Variants in GCGR observed in about 807,000 individuals in gnomAD.
The protein encoded by GCGR is glucagon receptor.
Under a neutral mutation model 56.1 loss-of-function variants are expected in GCGR, and 41 were observed. The ratio of observed to expected loss-of-function variants is 0.73; its 90% CI spans 0.57 to 0.95. The LOEUF (loss-of-function observed/expected upper bound fraction) is 0.95, where lower values mean the gene tolerates loss of function less well. Among genes scored for constraint, GCGR ranks in the 40% least tolerant of loss-of-function variants. GCGR has a pLI of 0.00. For synonymous variants in GCGR, 278 were observed against 271.1 expected, an observed-to-expected ratio of 1.03 and a Z score of -0.25; for missense variants, 595 against 638.2, an observed-to-expected ratio of 0.93 and a Z score of 0.73.
intron 1 of GCGR, among the ~76,000 whole-genome samples, chr17:81,808,086 C>A (rs866058165): frequency 7.9e-5 from 12 of 152,246 alleles, no homozygotes; most frequent in Admixed American, 7.8e-4. Context: ...CTAGGCACCC[C>A]GGTGCTGGGC....
At position 81,813,615 on chromosome 17, in the gene GCGR, G is replaced by A. The variant is rs2038152835; in HGVS notation, c.1360G>A (p.Gly454Ser). The A allele has an allele frequency of 3.3e-6, 5 of 1,536,464 alleles. No homozygotes were observed. Among genetic ancestry groups the A allele is most frequent in the East Asian group, 4.9e-5 (2 of 40,912 alleles). The change falls in exon 14 of 14, where the codon GGT (glycine) becomes AGT (serine). Residue 454 changes from glycine to serine, a missense_variant. By Grantham distance (56) the Gly-to-Ser change is moderately conservative. Transcript: ENST00000400723. The surrounding 1 kb of genome is among the most constrained non-coding windows in gnomAD (Gnocchi z 5.3). ...PSKELQFGRGGGSQDSSAETP... is the reference protein window; with the variant it reads ...PSKELQFGRGSGSQDSSAETP... ...CAAGGAGCTGCAGTTTGGGAGGGGT[G>A]GTGGCAGCCAGGATTCATCTGCGGA...
rs1397043394 is a variant in GCGR at position 81,812,852 on chromosome 17, C to T, written c.1083C>T (p.His361=). The stretch of plus-strand genomic sequence containing the variant: ...CCCTCATCCCTCTGCTGGGCGTCCA[C>T]GAAGTGGTCTTCGCCTTCGTGACGG... ...TLTLIPLLGV[H]EVVFAFVTDE... Residue 361 remains histidine (H), a synonymous_variant, in exon 12 of 14, where the codon CAC becomes CAT. Coordinates refer to ENST00000400723, the MANE Select transcript of GCGR (RefSeq NM_000160.5). This position sits in a 1 kb window ranked among gnomAD's most constrained non-coding sequence, Gnocchi z 8.5. 3.3e-6 allele frequency: 5 copies of T among 1,535,872 alleles called. No individual in the cohort carries two copies. Among genetic ancestry groups the T allele is most frequent in the Admixed American group, 3.9e-5 (2 of 50,980 alleles).
In GCGR at chr17:81,808,846, C is replaced by T. The variant is rs1313035753; in HGVS notation, c.-173C>T. The T allele has an allele frequency of 7.9e-6, 6 of 762,468 alleles. No homozygotes were observed. In the Admixed American group the frequency reaches 9.1e-5, roughly 12 times the overall value. 47.2% of individuals were successfully genotyped at this position (762,468 alleles called of 1,614,324 possible). ...CAGCTCCCTCTTTATCCCTAGGACC[C>T]TGAGGCTCAGAGGGGCAGCTTCAGG... On this transcript the variant is annotated 5_prime_UTR_variant, in exon 2 of 14. Coordinates refer to ENST00000400723, the MANE Select transcript of GCGR (RefSeq NM_000160.5).
rs570064871 is a variant in GCGR at position 81,809,838 on chromosome 17, C to T, written c.117C>T (p.Tyr39=). 2.3e-5 allele frequency: 35 copies of T among 1,536,650 alleles called. 1 individual carries two copies. In the Admixed American group the frequency reaches 3.3e-4, roughly 15 times the overall value. ...TCCTGTTTGAGAAGTGGAAGCTCTA[C>T]GGTGACCAGTGTCACCACAACCTGA... The part of the protein sequence containing the change: ...MDFLFEKWKL[Y]GDQCHHNLSL... The change falls in exon 3 of 14, where the codon TAC becomes TAT. Residue 39 remains tyrosine (Y), a synonymous_variant. Coordinates refer to ENST00000400723, the MANE Select transcript of GCGR (RefSeq NM_000160.5).
At position 81,804,930 on chromosome 17, in the gene GCGR, C is replaced by T. The variant is rs897549432; in HGVS notation, c.-178+681C>T. Among the ~76,000 whole-genome samples the T allele has an allele frequency of 2.0e-5, 3 of 152,200 alleles. No individual in the cohort carries two copies. Among genetic ancestry groups the T allele is most frequent in the Non-Finnish European group, 4.4e-5 (3 of 68,022 alleles). ...CTCGGCGCCCGCATCCTCCAAGGAC[C>T]GGCCAGGGCTGCTCTCTGCCCTTGG... On this transcript the variant is annotated intron_variant, in intron 1 of 13. Coordinates refer to ENST00000400723, the MANE Select transcript of GCGR (RefSeq NM_000160.5). This position sits in a 1 kb window ranked among gnomAD's most constrained non-coding sequence, Gnocchi z 8.2.
chr17:81,812,211 T>A lies in GCGR; in HGVS notation c.907T>A (p.Phe303Ile). 1 of 1,536,104 alleles carries A rather than the reference T, an allele frequency of 6.5e-7. No individual in the cohort carries two copies. The highest frequency in any genetic ancestry group is 8.7e-7 in the Non-Finnish European group (1 of 1,146,772). ...QCWTSNDNMG[F>I]WWILRFPVFL... Reference sequence around the variant, plus strand: ...CTGGACCAGCAATGACAACATGGGCTTCTGGTGGATCCTGCGGTTCCCCGT... The same window carrying A: ...CTGGACCAGCAATGACAACATGGGCATCTGGTGGATCCTGCGGTTCCCCGT... The change falls in exon 10 of 14, where the codon TTC becomes ATC. Residue 303 changes from phenylalanine to isoleucine, a missense_variant. Transcript: ENST00000400723. The surrounding 1 kb of genome is among the most constrained non-coding windows in gnomAD (Gnocchi z 8.5).
chr17:81,806,085 G>C lies in GCGR; in HGVS notation c.-178+1836G>C, dbSNP rs1177905287. Reference sequence around the variant, plus strand: ...AAGTTAAATCGTCGTCCCCGTCCCAGGACCACAGCAGCCTCAGCCCTGCTC... The same window carrying C: ...AAGTTAAATCGTCGTCCCCGTCCCACGACCACAGCAGCCTCAGCCCTGCTC... On this transcript the variant is annotated intron_variant, in intron 1 of 13. Transcript: ENST00000400723. The surrounding 1 kb of genome is among the most constrained non-coding windows in gnomAD (Gnocchi z 6.5). Among the ~76,000 whole-genome samples, 2 of 152,102 alleles carry C rather than the reference G, an allele frequency of 1.3e-5. No homozygotes were observed. Among genetic ancestry groups the C allele is most frequent in the Non-Finnish European group, 1.5e-5 (1 of 67,986 alleles).
In GCGR at chr17:81,812,237, C is replaced by A; in HGVS notation, c.933C>A (p.Val311=). Residue 311 remains valine, a synonymous_variant, in exon 10 of 14, where the codon GTC becomes GTA. Transcript: ENST00000400723. This position sits in a 1 kb window ranked among gnomAD's most constrained non-coding sequence, Gnocchi z 8.5. The part of the protein sequence containing the change: ...MGFWWILRFP[V]FLAILINFFI... ...TCTGGTGGATCCTGCGGTTCCCCGT[C>A]TTCCTGGCCATCCTGGTGAGGAAAT... 6.5e-7 allele frequency: 1 copy of A among 1,535,826 alleles called. No homozygotes were observed. Among genetic ancestry groups the A allele is most frequent in the South Asian group, 1.2e-5 (1 of 84,034 alleles).
Position 81,812,473 on chromosome 17 carries a change from T to G in GCGR, c.949-104T>G, listed in dbSNP as rs1053202070. On this transcript the variant is annotated intron_variant, in intron 10 of 13. Transcript: ENST00000400723. The surrounding 1 kb of genome is among the most constrained non-coding windows in gnomAD (Gnocchi z 8.5). ...AGGGCTATGTGGCCCAGGGCCTATC[T>G]TGCTGCCAGGCCCACCTGCAGGAGG... The G allele has an allele frequency of 3.4e-5, 41 of 1,197,642 alleles. No homozygotes were observed. Among genetic ancestry groups the G allele is most frequent in the Non-Finnish European group, 4.2e-5 (36 of 857,932 alleles). The allele number at this position is 1,197,642 out of a possible 1,614,324, so 74.2% of individuals were successfully genotyped here.
At chr17:81,805,367 G>C (rs961624150) in intron 1 of GCGR, 3 of 159,598 alleles carry the variant, frequency 1.9e-5, no homozygotes, top group African/African-American at 7.2e-5. Flanking sequence ...AAGCGGCCGG[G>C]GCAGTGGAGC....
Position 81,813,462 on chromosome 17 carries a change from C to G in GCGR, c.1219-12C>G. 6.5e-7 allele frequency: 1 copy of G among 1,533,848 alleles called. No homozygotes were observed. The highest frequency in any genetic ancestry group is 8.7e-7 in the Non-Finnish European group (1 of 1,146,388). ...AGGCCCTAGGACTGGCCTGCCCCGTCCCCCTCCCCAGGTGCAGTCGGAGCT... is the reference window on the plus strand; with the variant it reads ...AGGCCCTAGGACTGGCCTGCCCCGTGCCCCTCCCCAGGTGCAGTCGGAGCT... On this transcript the variant is annotated splice_polypyrimidine_tract_variant and intron_variant, in intron 13 of 13. Transcript: ENST00000400723. The surrounding 1 kb of genome is among the most constrained non-coding windows in gnomAD (Gnocchi z 5.3).
rs779409372 is a variant in GCGR at position 81,810,544 on chromosome 17, TG to T, written c.164-275del. 5.3e-4 allele frequency among the ~76,000 whole-genome samples: 81 copies of T among 151,904 alleles called. No individual in the cohort carries two copies. Among genetic ancestry groups the T allele is most frequent in the Non-Finnish European group, 8.5e-4 (58 of 67,914 alleles). ...GTGTGGGTTTGGGGCACATTTGAGATGGGGGGTCTCCAAGGGAAGGTGTCCT... is the reference window on the plus strand; with the variant it reads ...GTGTGGGTTTGGGGCACATTTGAGATGGGGGTCTCCAAGGGAAGGTGTCCT... On this transcript the variant is annotated intron_variant, in intron 3 of 13. Coordinates refer to ENST00000400723, the MANE Select transcript of GCGR (RefSeq NM_000160.5). This position sits in a 1 kb window ranked among gnomAD's most constrained non-coding sequence, Gnocchi z 4.6.
Position 81,812,375 on chromosome 17 carries a change from A to T in GCGR, c.948+123A>T. 1 of 1,165,356 alleles carries T rather than the reference A, an allele frequency of 8.6e-7. No individual in the cohort carries two copies. The highest frequency in any genetic ancestry group is 1.2e-6 in the Non-Finnish European group (1 of 820,430). 72.2% of individuals were successfully genotyped at this position (1,165,356 alleles called of 1,614,324 possible). A position where few individuals can be genotyped will look rare whatever the true frequency, so the allele number is the denominator to read the frequency against. The stretch of plus-strand genomic sequence containing the variant: ...GGGAGGGAGCCGGCACCCAGACAGG[A>T]CACCAGGACACTGGCCAGCACCCTG... On this transcript the variant is annotated intron_variant, in intron 10 of 13. Coordinates refer to ENST00000400723, the MANE Select transcript of GCGR (RefSeq NM_000160.5). The surrounding 1 kb of genome is among the most constrained non-coding windows in gnomAD (Gnocchi z 8.5).
chr17:81,811,502 C>T lies in GCGR; in HGVS notation c.599C>T (p.Thr200Ile), dbSNP rs1234915081. ...SVLVIDGLLR[T>I]RYSQKIGDDL... ...CTGGTCATTGATGGGCTGCTCAGGACCCGCTACAGCCAGAAAATTGGCGAC... is the reference window on the plus strand; with the variant it reads ...CTGGTCATTGATGGGCTGCTCAGGATCCGCTACAGCCAGAAAATTGGCGAC... The change falls in exon 7 of 14, where the codon ACC (threonine) becomes ATC (isoleucine). Residue 200 changes from threonine (T) to isoleucine (I), a missense_variant. Thr to Ile is a moderately conservative substitution (Grantham distance 89). Transcript: ENST00000400723. The surrounding 1 kb of genome is among the most constrained non-coding windows in gnomAD (Gnocchi z 5.8). The T allele has an allele frequency of 2.0e-6, 3 of 1,536,632 alleles. No homozygotes were observed. The highest frequency in any genetic ancestry group is 2.0e-5 in the Admixed American group (1 of 51,004).
At position 81,810,930 on chromosome 17, in the gene GCGR, A is replaced by G. The variant is rs2038080097; in HGVS notation, c.269A>G (p.Lys90Arg). 6.5e-7 allele frequency: 1 copy of G among 1,534,870 alleles called. No individual in the cohort carries two copies. The highest frequency in any genetic ancestry group is 8.7e-7 in the Non-Finnish European group (1 of 1,145,874). ...CCCTGGTACCTGCCTTGGCACCACA[A>G]AGGTACCCATAGAGGGGAGGAACTG... Reference protein sequence around the residue: ...SCPWYLPWHHKVQHRFVFKRC... With the variant: ...SCPWYLPWHHRVQHRFVFKRC... The change falls in exon 4 of 14, where the codon AAA (lysine) becomes AGA (arginine). Residue 90 changes from lysine (K) to arginine (R), a missense_variant and splice_region_variant. Lys to Arg is a conservative substitution (Grantham distance 26). Coordinates refer to ENST00000400723, the MANE Select transcript of GCGR (RefSeq NM_000160.5). The surrounding 1 kb of genome is among the most constrained non-coding windows in gnomAD (Gnocchi z 4.6).
At position 81,814,008 on chromosome 17, in the gene GCGR, A is replaced by G. The variant is rs1349412631; in HGVS notation, c.*319A>G. ...CCAACAATAAAGAGCTCAAGTGGTCACCGTGCATGTCCTGGAAAGCAGGGC... is the reference window on the plus strand; with the variant it reads ...CCAACAATAAAGAGCTCAAGTGGTCGCCGTGCATGTCCTGGAAAGCAGGGC... On this transcript the variant is annotated 3_prime_UTR_variant, in exon 14 of 14. Transcript: ENST00000400723. 1.6e-5 allele frequency: 6 copies of G among 373,774 alleles called. No homozygotes were observed. Among genetic ancestry groups the G allele is most frequent in the Non-Finnish European group, 2.5e-5 (5 of 200,758 alleles). The allele number at this position is 373,774 out of a possible 1,614,324, so 23.2% of individuals were successfully genotyped here. A position where few individuals can be genotyped will look rare whatever the true frequency, so the allele number is the denominator to read the frequency against.
In GCGR at chr17:81,804,903, C is replaced by A. The variant is rs1048630274; in HGVS notation, c.-178+654C>A. On this transcript the variant is annotated intron_variant, in intron 1 of 13. Coordinates refer to ENST00000400723, the MANE Select transcript of GCGR (RefSeq NM_000160.5). This position sits in a 1 kb window ranked among gnomAD's most constrained non-coding sequence, Gnocchi z 8.2. ...GACTCTGAACCGACTGACCCCGGCCCCCTCGGCGCCCGCATCCTCCAAGGA... is the reference window on the plus strand; with the variant it reads ...GACTCTGAACCGACTGACCCCGGCCACCTCGGCGCCCGCATCCTCCAAGGA... Among the ~76,000 whole-genome samples, 1 of 152,230 alleles carries A rather than the reference C, an allele frequency of 6.6e-6. No individual in the cohort carries two copies.
In GCGR at chr17:81,811,826, TGA is replaced by T. The variant is rs1241330811; in HGVS notation, c.817+20_817+21del. 1 of 1,536,532 alleles carries T rather than the reference TGA, an allele frequency of 6.5e-7. No individual in the cohort carries two copies. The highest frequency in any genetic ancestry group is 2.0e-5 in the Admixed American group (1 of 50,984). On this transcript the variant is annotated intron_variant, in intron 8 of 13. Coordinates refer to ENST00000400723, the MANE Select transcript of GCGR (RefSeq NM_000160.5). The surrounding 1 kb of genome is among the most constrained non-coding windows in gnomAD (Gnocchi z 5.8). ...ATCGGCTGGGGTGAGTGGGCTGGCA[TGA>T]GAGGGGGTTAAGGCAGGCTGACCAA...
At chr17:81,807,089 G>C (rs1307765223) in intron 1 of GCGR, among the ~76,000 whole-genome samples, 1 of 152,116 alleles carries the variant, frequency 6.6e-6, no homozygotes, top group Admixed American at 6.5e-5. Flanking sequence ...GCAGTAGATG[G>C]GGCTGTTTGA....
Sources: gnomAD v4.1 joint callset for allele counts (sites outside exome capture counted in the v4.1 genomes callset) on GRCh38, gnomAD v4.1.1 for gene constraint, Gnocchi (gnomAD v3.1) non-coding constraint, MANE v1.5 for transcripts, NCBI Gene and HGNC (gene_info 2026-07-23, HGNC 2026-07-21) for gene names.